RFX1: variants seen among roughly 807,000 people sequenced by gnomAD.
RFX1 encodes the protein MHC class II regulatory factor RFX1.
In RFX1, 42 loss-of-function variants were observed where a neutral mutation model predicts 119.6. That is an observed-to-expected ratio of 0.35 (90% CI 0.27 to 0.45). RFX1 has a LOEUF of 0.45. Among genes scored for constraint, RFX1 ranks in the 20% least tolerant of loss-of-function variants. The pLI is 1.00. For missense variants in RFX1, 1,118 were observed against 1,368.1 expected, an observed-to-expected ratio of 0.82 and a Z score of 2.88; for synonymous variants, 628 against 618.5, an observed-to-expected ratio of 1.02 and a Z score of -0.23.
At chr19:13,978,513 A>G (rs1295856914) in intron 7 of RFX1, among the ~76,000 whole-genome samples, 3 of 152,098 alleles carry the variant, frequency 2.0e-5, no homozygotes, top group African/African-American at 7.2e-5. Context: ...ACCTGGAATC[A>G]CTGACAGGGC....
intron 9 of RFX1, among the ~76,000 whole-genome samples, chr19:13,972,228 G>A (rs1974106883): frequency 7.5e-6 from 1 of 133,094 alleles, no homozygotes; most frequent in Non-Finnish European, 1.6e-5. Flanking sequence ...ACAGAATCTT[G>A]CTGTGTCTCC....
chr19:13,983,742 C>T (rs1050346014), intron 2 of RFX1, 147 bp from the exon 3 acceptor site: 3 of 655,310 alleles, frequency 4.6e-6, no homozygotes, highest in Non-Finnish European at 5.2e-6. Context: ...CCTGGCCAGC[C>T]CTGACTGCAC....
intron 2 of RFX1, among the ~76,000 whole-genome samples, chr19:13,987,010 C>A (rs1328439008): frequency 6.6e-6 from 1 of 152,218 alleles, no homozygotes; most frequent in East Asian, 1.9e-4. Flanking sequence ...GCTCCAACCT[C>A]AGTTTCCCCA....
chr19:13,994,810 G>GTATA (rs539465254), intron 1 of RFX1, among the ~76,000 whole-genome samples: 1 of 125,038 alleles, frequency 8.0e-6, no homozygotes, highest in African/African-American at 3.0e-5. Context: ...TACATATATA[G>GTATA]TATATATATA....
chr19:13,983,342 C>A, intron 3 of RFX1, 72 bp from the exon 4 acceptor site: 3 of 1,353,446 alleles, frequency 2.2e-6, no homozygotes, highest in South Asian at 1.3e-5. Flanking sequence ...GGGTGGCGGG[C>A]GGCTGCTGTG....
In RFX1 at chr19:13,966,541, G is replaced by C; in HGVS notation, c.1852-11C>G. 6.4e-7 allele frequency: 1 copy of C among 1,555,172 alleles called. No individual in the cohort carries two copies. Among genetic ancestry groups the C allele is most frequent in the Non-Finnish European group, 8.7e-7 (1 of 1,143,310 alleles). On this transcript the variant is annotated splice_polypyrimidine_tract_variant and intron_variant, in intron 13 of 20. Coordinates refer to ENST00000254325, the MANE Select transcript of RFX1 (RefSeq NM_002918.5). This position sits in a 1 kb window ranked among gnomAD's most constrained non-coding sequence, Gnocchi z 6.3. ...GACGTCGACAATGGCCTGTGGCAGA[G>C]GCGGATGCTCAGGGAGGCTGGGGGG...
At chr19:13,992,653 G>A (rs569706875) in intron 2 of RFX1, among the ~76,000 whole-genome samples, 71 of 152,142 alleles carry the variant, frequency 4.7e-4, no homozygotes, top group Non-Finnish European at 8.4e-4. Context: ...TGAGACCCTC[G>A]CATGCGTCCC....
At chr19:13,979,407 C>T in intron 7 of RFX1, 40 bp downstream of exon 7, 4 of 1,440,142 alleles carry the variant, frequency 2.8e-6, no homozygotes, top group South Asian at 1.3e-5. Context: ...AGCCCGGGAC[C>T]AGCCCCTTTG....
chr19:13,983,708 G>A, intron 2 of RFX1, 113 bp from the exon 3 acceptor site: 2 of 849,694 alleles, frequency 2.4e-6, no homozygotes, highest in Non-Finnish European at 3.7e-6. Flanking sequence ...GCAAGGTCAG[G>A]CCCCTCCAAG....
At chr19:13,982,928 T>C (rs2145591373) in intron 4 of RFX1, 1 of 515,544 alleles carries the variant, frequency 1.9e-6, no homozygotes, top group East Asian at 3.4e-5. Context: ...GACACTGGGT[T>C]GGACCCGCAA....
At position 13,966,413 on chromosome 19, in the gene RFX1, G is replaced by C; in HGVS notation, c.1961+8C>G. 6.3e-7 allele frequency: 1 copy of C among 1,585,556 alleles called. No homozygotes were observed. The highest frequency in any genetic ancestry group is 2.2e-5 in the East Asian group (1 of 44,724). ...CTCTCCCTCCCACAGTCGCCGGGCA[G>C]TACTCACACAGCCAGCGGTGGCGCC... On this transcript the variant is annotated splice_region_variant and intron_variant, in intron 14 of 20. Transcript: ENST00000254325. This position sits in a 1 kb window ranked among gnomAD's most constrained non-coding sequence, Gnocchi z 6.3.
chr19:13,977,120 C>A (rs979934856), intron 8 of RFX1, among the ~76,000 whole-genome samples: 3 of 151,690 alleles, frequency 2.0e-5, no homozygotes, highest in African/African-American at 2.4e-5. Context: ...CATGGTGATA[C>A]CCCATCTCTA....
Position 13,963,676 on chromosome 19 carries a change from G to C in RFX1, c.2432C>G (p.Thr811Arg). The change falls in exon 18 of 21, where the codon ACG becomes AGG. Residue 811 changes from threonine to arginine, a missense_variant. Physicochemically the swap from Thr to Arg is moderately conservative, Grantham distance 71 (BLOSUM62 -1). Coordinates refer to ENST00000254325, the MANE Select transcript of RFX1 (RefSeq NM_002918.5). ...CTCCAGCGAGTTCTGCTGCTGCAGCGTCACCTTGAAGTCCTGCTCCAGCCG... is the reference window on the plus strand; with the variant it reads ...CTCCAGCGAGTTCTGCTGCTGCAGCCTCACCTTGAAGTCCTGCTCCAGCCG... ...VQRLEQDFKV[T>R]LQQQNSLEQW... 1 of 1,604,342 alleles carries C rather than the reference G, an allele frequency of 6.2e-7. No homozygotes were observed. Among genetic ancestry groups the C allele is most frequent in the Non-Finnish European group, 8.5e-7 (1 of 1,177,808 alleles).
At chr19:13,975,517 G>T (rs1974228347) in intron 8 of RFX1, among the ~76,000 whole-genome samples, 1 of 152,140 alleles carries the variant, frequency 6.6e-6, no homozygotes, top group South Asian at 2.1e-4. Flanking sequence ...AGTGGAAGGA[G>T]ATATGGAAGC....
chr19:13,974,639 G>T (rs964229746), intron 8 of RFX1, among the ~76,000 whole-genome samples: 3 of 152,156 alleles, frequency 2.0e-5, no homozygotes, highest in Non-Finnish European at 4.4e-5. Context: ...TCATCTGTGG[G>T]CATGGAGGGC....
intron 12 of RFX1, among the ~76,000 whole-genome samples, chr19:13,967,637 C>T (rs951833512): frequency 1.1e-4 from 17 of 151,560 alleles, no homozygotes; most frequent in Admixed American, 9.2e-4. Context: ...CCACCACACC[C>T]GGCTAATTTT....
intron 1 of RFX1, among the ~76,000 whole-genome samples, chr19:13,995,851 CAAAAAAAAAAAAAAAAAA>C (rs57542235): frequency 5.6e-5 from 2 of 35,630 alleles, no homozygotes; most frequent in Middle Eastern, 0.019. Flanking sequence ...ACTCTGTCTC[CAAAAAAAAAAAAAAAAAA>C]AAAAAAAAAT....
At chr19:13,992,560 G>A (rs542733360) in intron 2 of RFX1, among the ~76,000 whole-genome samples, 1 of 152,208 alleles carries the variant, frequency 6.6e-6, no homozygotes, top group African/African-American at 2.4e-5. Context: ...CAGGGCGGCT[G>A]CTCTAGGAAG....
intron 2 of RFX1, among the ~76,000 whole-genome samples, chr19:13,992,766 G>A (rs532459554): frequency 6.6e-6 from 1 of 152,320 alleles, no homozygotes; most frequent in South Asian, 2.1e-4. Context: ...TCTCCCACAG[G>A]TGCATGCAAA....
Sources: allele counts gnomAD v4.1 joint callset (sites outside exome capture counted in the v4.1 genomes callset), GRCh38; gene constraint gnomAD v4.1.1; non-coding constraint Gnocchi (gnomAD v3.1); transcripts MANE v1.5; gene names NCBI Gene and HGNC (gene_info 2026-07-23, HGNC 2026-07-21).